AGAP1: variants seen among roughly 807,000 people sequenced by gnomAD.
The protein encoded by AGAP1 is ArfGAP with GTPase domain, ankyrin repeat and PH domain 1, also known as arf-GAP with GTPase, ANK repeat and PH domain-containing protein 1.
AGAP1 carries 29 observed loss-of-function variants against 105.3 expected under a neutral mutation model. The observed-to-expected ratio is 0.28, with a 90% CI of 0.21 to 0.38. The LOEUF (loss-of-function observed/expected upper bound fraction) is 0.38, where lower values mean the gene tolerates loss of function less well. AGAP1 is among the 10% of genes least tolerant of loss of function. The pLI is 1.00. For missense variants in AGAP1, 998 were observed against 1,165.1 expected (o/e 0.86, Z 2.09); for synonymous variants, 509 against 485.9 (o/e 1.05, Z -0.63).
At chr2:235,832,525 T>C (rs1959550712) in intron 9 of AGAP1, among the ~76,000 whole-genome samples, 1 of 152,278 alleles carries the variant, frequency 6.6e-6, no homozygotes, top group Non-Finnish European at 1.5e-5. Flanking sequence ...AAAGCACTTT[T>C]ATACATTGTA....
chr2:235,522,648 G>A (rs1018618059), intron 1 of AGAP1, among the ~76,000 whole-genome samples: 4 of 152,128 alleles, frequency 2.6e-5, no homozygotes, highest in South Asian at 2.1e-4. Flanking sequence ...GGGTGATGCC[G>A]ATGAAGAGGC....
chr2:236,128,189 G>C lies in AGAP1; in HGVS notation c.*4067G>C, dbSNP rs1179212161. On this transcript the variant is annotated 3_prime_UTR_variant, in exon 18 of 18. Transcript: ENST00000304032. The surrounding 1 kb of genome is among the most constrained non-coding windows in gnomAD (Gnocchi z 5.9). ...TCCTTGCTCCCTGAGAGCCTCTCTG[G>C]AACCTGCCCACTTTTCTCAACATGT... 2 of 152,222 alleles carry C rather than the reference G, an allele frequency of 1.3e-5. No homozygotes were observed. The highest frequency in any genetic ancestry group is 6.5e-5 in the Admixed American group (1 of 15,276). The allele number at this position is 152,222 out of a possible 1,614,324, so 9.4% of individuals were successfully genotyped here.
rs977094651 is a variant in AGAP1, at chr2:235,614,177, C to T, written c.164-95002C>T. Among the ~76,000 whole-genome samples the T allele has an allele frequency of 6.6e-6, 1 of 152,148 alleles. No individual in the cohort carries two copies. Among genetic ancestry groups the T allele is most frequent in the Non-Finnish European group, 1.5e-5 (1 of 68,026 alleles). On this transcript the variant is annotated intron_variant, in intron 1 of 17. Transcript: ENST00000304032. The surrounding 1 kb of genome is among the most constrained non-coding windows in gnomAD (Gnocchi z 4.7). The stretch of plus-strand genomic sequence containing the variant: ...AGCAGAAACAGGCAAGGTCTTTGGC[C>T]TCAGGGGGTCCTTGGAGTCTAGAAG...
chr2:236,015,053 G>T (rs2056649792), intron 13 of AGAP1, among the ~76,000 whole-genome samples: 3 of 152,086 alleles, frequency 2.0e-5, no homozygotes, highest in Admixed American at 6.5e-5. Context: ...TTTTGTTTGT[G>T]TGTTTTATTT....
chr2:235,646,335 A>G (rs2149315115), intron 1 of AGAP1, among the ~76,000 whole-genome samples: 1 of 152,058 alleles, frequency 6.6e-6, no homozygotes, highest in South Asian at 2.1e-4. Flanking sequence ...AAGATAATGC[A>G]TCTTTATTTA....
rs952876232 is a variant in AGAP1, at chr2:236,087,749, T to C, written c.2115-32443T>C. Reference sequence around the variant, plus strand: ...GGGACATACCCATTTTCTTTGTCCATGAAGCACCAAATAAGAAGTTGGCGT... The same window carrying C: ...GGGACATACCCATTTTCTTTGTCCACGAAGCACCAAATAAGAAGTTGGCGT... On this transcript the variant is annotated intron_variant, in intron 16 of 17. Transcript: ENST00000304032. The surrounding 1 kb of genome is among the most constrained non-coding windows in gnomAD (Gnocchi z 5.7). Among the ~76,000 whole-genome samples the C allele has an allele frequency of 6.6e-6, 1 of 152,242 alleles. No individual in the cohort carries two copies. The highest frequency in any genetic ancestry group is 1.5e-5 in the Non-Finnish European group (1 of 68,042).
chr2:235,750,930 T>G lies in AGAP1; in HGVS notation c.673+442T>G, dbSNP rs144074671. 1.6e-3 allele frequency among the ~76,000 whole-genome samples: 238 copies of G among 152,274 alleles called. 3 individuals are homozygous for G. The East Asian group carries it at 0.043, about 27-fold the overall frequency. On this transcript the variant is annotated intron_variant, in intron 6 of 17. Coordinates refer to ENST00000304032, the MANE Select transcript of AGAP1 (RefSeq NM_001037131.3). The surrounding 1 kb of genome is among the most constrained non-coding windows in gnomAD (Gnocchi z 5.3). Reference sequence around the variant, plus strand: ...AAAGGAGGAGAGAGAGAGTCAAGTTTGGACCTCCCCCCACCAAAAAAATAA... The same window carrying G: ...AAAGGAGGAGAGAGAGAGTCAAGTTGGGACCTCCCCCCACCAAAAAAATAA...
intron 13 of AGAP1, among the ~76,000 whole-genome samples, chr2:235,984,555 A>G (rs980865830): frequency 7.4e-5 from 11 of 149,610 alleles, no homozygotes; most frequent in Non-Finnish European, 1.5e-4. Context: ...TACATATGCC[A>G]TGGTGGTTTG....
rs922228666 is a variant in AGAP1 at position 236,121,759 on chromosome 2, T to A, written c.2370+1312T>A. 6.6e-6 allele frequency among the ~76,000 whole-genome samples: 1 copy of A among 152,192 alleles called. No individual in the cohort carries two copies. Among genetic ancestry groups the A allele is most frequent in the African/African-American group, 2.4e-5 (1 of 41,444 alleles). Reference sequence around the variant, plus strand: ...GTGTGCTAGGGCTGCCATAACAAAATACCACAGACAGGGGTGCTTCAACAA... The same window carrying A: ...GTGTGCTAGGGCTGCCATAACAAAAAACCACAGACAGGGGTGCTTCAACAA... On this transcript the variant is annotated intron_variant, in intron 17 of 17. Transcript: ENST00000304032. The surrounding 1 kb of genome is among the most constrained non-coding windows in gnomAD (Gnocchi z 4.9).
chr2:236,079,384 A>C (rs1411993590), intron 16 of AGAP1, among the ~76,000 whole-genome samples: 5 of 151,428 alleles, frequency 3.3e-5, no homozygotes, highest in African/African-American at 1.2e-4. Flanking sequence ...AAAAAAAAAA[A>C]AAAAACAGGC....
rs1431302684 is a variant in AGAP1 at position 236,121,332 on chromosome 2, G to A, written c.2370+885G>A. 1.3e-5 allele frequency among the ~76,000 whole-genome samples: 2 copies of A among 152,104 alleles called. No individual in the cohort carries two copies. Among genetic ancestry groups the A allele is most frequent in the African/African-American group, 2.4e-5 (1 of 41,420 alleles). ...TTTTGTTTTTTTGAGACAGAGTCTC[G>A]CTCTGTCACCCAGGCTGGAGTGCAG... On this transcript the variant is annotated intron_variant, in intron 17 of 17. Coordinates refer to ENST00000304032, the MANE Select transcript of AGAP1 (RefSeq NM_001037131.3). The surrounding 1 kb of genome is among the most constrained non-coding windows in gnomAD (Gnocchi z 4.9).
In AGAP1 at chr2:235,619,369, A is replaced by G. The variant is rs182543695; in HGVS notation, c.164-89810A>G. Among the ~76,000 whole-genome samples the G allele has an allele frequency of 3.0e-3, 453 of 148,798 alleles. 2 individuals are homozygous for G. Among genetic ancestry groups the G allele is most frequent in the African/African-American group, 0.011 (424 of 40,194 alleles). On this transcript the variant is annotated intron_variant, in intron 1 of 17. Coordinates refer to ENST00000304032, the MANE Select transcript of AGAP1 (RefSeq NM_001037131.3). ...GCTGAAGTGGGGGAGCTGGGATTCA[A>G]TCCTGGGGCTGAAGTGGGGGAGCTG...
rs370301353 is a variant in AGAP1, at chr2:235,809,313, G to A, written c.1050+1982G>A. 1.4e-4 allele frequency among the ~76,000 whole-genome samples: 22 copies of A among 152,232 alleles called. 1 individual carries two copies. The South Asian group carries it at 2.7e-3, about 19-fold the overall frequency. The stretch of plus-strand genomic sequence containing the variant: ...ATTATCCAGTCCTTGGATGCCTTTC[G>A]ATTGTGAATGTTCAAAGGAATCTCG... On this transcript the variant is annotated intron_variant, in intron 9 of 17. Coordinates refer to ENST00000304032, the MANE Select transcript of AGAP1 (RefSeq NM_001037131.3).
rs942238291 is a variant in AGAP1 at position 236,123,172 on chromosome 2, C to G, written c.2371-747C>G. Among the ~76,000 whole-genome samples, 1 of 152,168 alleles carries G rather than the reference C, an allele frequency of 6.6e-6. No homozygotes were observed. The highest frequency in any genetic ancestry group is 6.5e-5 in the Admixed American group (1 of 15,278). On this transcript the variant is annotated intron_variant, in intron 17 of 17. Coordinates refer to ENST00000304032, the MANE Select transcript of AGAP1 (RefSeq NM_001037131.3). The surrounding 1 kb of genome is among the most constrained non-coding windows in gnomAD (Gnocchi z 4.6). ...CACGGCAGCCTCTGCCTCCTAGGCT[C>G]AAGCGATCCTCCCACCTCAGCCTCC...
chr2:235,630,222 T>A (rs547567123), intron 1 of AGAP1, among the ~76,000 whole-genome samples: 1 of 149,524 alleles, frequency 6.7e-6, no homozygotes, highest in Non-Finnish European at 1.5e-5. Flanking sequence ...CTTTCTGTAC[T>A]TTTTTTTTTG....
At position 235,788,589 on chromosome 2, in the gene AGAP1, G is replaced by A. The variant is rs1032865567; in HGVS notation, c.674-9170G>A. Among the ~76,000 whole-genome samples the A allele has an allele frequency of 1.3e-5, 2 of 151,956 alleles. No homozygotes were observed. The highest frequency in any genetic ancestry group is 4.8e-5 in the African/African-American group (2 of 41,360). On this transcript the variant is annotated intron_variant, in intron 6 of 17. Coordinates refer to ENST00000304032, the MANE Select transcript of AGAP1 (RefSeq NM_001037131.3). This position sits in a 1 kb window ranked among gnomAD's most constrained non-coding sequence, Gnocchi z 6.0. ...TAGGTGAGGCCGGGCAAGGAGAGGA[G>A]TGGGAGGGTCCATCGGTGTCGTCAG...
intron 1 of AGAP1, among the ~76,000 whole-genome samples, chr2:235,624,233 G>T (rs1442373373): frequency 6.6e-6 from 1 of 152,220 alleles, no homozygotes; most frequent in Non-Finnish European, 1.5e-5. Context: ...TACCATATTT[G>T]CTTTCTCTGT....
intron 1 of AGAP1, among the ~76,000 whole-genome samples, chr2:235,503,625 C>CT (rs1177173758): frequency 2.0e-5 from 3 of 152,136 alleles, no homozygotes; most frequent in Non-Finnish European, 4.4e-5. Context: ...GACAGGGTCT[C>CT]ACTCTGTTGC....
intron 13 of AGAP1, among the ~76,000 whole-genome samples, chr2:236,026,361 C>T (rs1046575046): frequency 2.0e-5 from 3 of 152,214 alleles, no homozygotes; most frequent in Admixed American, 1.3e-4. Flanking sequence ...GCCCAGAGGA[C>T]CACCACCTCT....
Sources: gnomAD v4.1 joint callset for allele counts (sites outside exome capture counted in the v4.1 genomes callset) on GRCh38, gnomAD v4.1.1 for gene constraint, Gnocchi (gnomAD v3.1) non-coding constraint, MANE v1.5 for transcripts, NCBI Gene and HGNC (gene_info 2026-07-23, HGNC 2026-07-21) for gene names.